GABRB1: variants seen among roughly 807,000 people sequenced by gnomAD.
The protein encoded by GABRB1 is gamma-aminobutyric acid receptor subunit beta-1.
GABRB1 carries 17 observed loss-of-function variants against 51.6 expected under a neutral mutation model. The ratio of observed to expected loss-of-function variants is 0.33; its 90% CI spans 0.23 to 0.49. The LOEUF (loss-of-function observed/expected upper bound fraction) is 0.49, where lower values mean the gene tolerates loss of function less well. Ranked by LOEUF, GABRB1 falls within the 20% of genes least tolerant of loss-of-function variation. The probability of loss-of-function intolerance (pLI) is 0.99; values close to 1 mark genes in which losing one functional copy is unlikely to be tolerated. For missense variants in GABRB1, 410 were observed against 600.6 expected, an observed-to-expected ratio of 0.68 and a Z score of 3.32; for synonymous variants, 247 against 218.9, an observed-to-expected ratio of 1.13 and a Z score of -1.14.
chr4:47,226,228 A>G (rs1022776587), intron 4 of GABRB1, among the ~76,000 whole-genome samples: 1 of 152,308 alleles, frequency 6.6e-6, no homozygotes, highest in African/African-American at 2.4e-5. Context: ...CACTGTGGAG[A>G]CAAATTAATT....
Position 47,393,333 on chromosome 4 carries a change from G to T in GABRB1, c.545-9985G>T, listed in dbSNP as rs528362296. Among the ~76,000 whole-genome samples the T allele has an allele frequency of 1.2e-4, 18 of 152,284 alleles. 1 individual carries two copies. In the South Asian group the frequency reaches 3.7e-3, roughly 32 times the overall value. ...GACCTCAAGAAGCTCAGAGCCTAGT[G>T]GGGGAAAGACAGATAAGCCAGGTAA... On this transcript the variant is annotated intron_variant, in intron 5 of 8. Coordinates refer to ENST00000295454, the MANE Select transcript of GABRB1 (RefSeq NM_000812.4).
chr4:47,353,335 A>G (rs1262785138), intron 5 of GABRB1, among the ~76,000 whole-genome samples: 1 of 152,246 alleles, frequency 6.6e-6, no homozygotes, highest in Non-Finnish European at 1.5e-5. Context: ...AGTGAAGTCA[A>G]GATACATTTT....
intron 5 of GABRB1, among the ~76,000 whole-genome samples, chr4:47,346,057 A>AAAAG (rs55776053): frequency 1.3e-5 from 2 of 151,896 alleles, no homozygotes; most frequent in South Asian, 2.1e-4. Context: ...CAAAAAAAAA[A>AAAAG]GGCCTGCAGA....
chr4:47,225,775 T>A (rs1415372802), intron 4 of GABRB1, among the ~76,000 whole-genome samples: 1 of 152,198 alleles, frequency 6.6e-6, no homozygotes, highest in Non-Finnish European at 1.5e-5. Context: ...TTAATCACCA[T>A]GAAATATTTC....
At chr4:47,238,437 C>T (rs1033649080) in intron 4 of GABRB1, among the ~76,000 whole-genome samples, 1 of 152,046 alleles carries the variant, frequency 6.6e-6, no homozygotes, top group Non-Finnish European at 1.5e-5. Flanking sequence ...AATCATTATA[C>T]TTTGGTATTT....
intron 4 of GABRB1, among the ~76,000 whole-genome samples, chr4:47,243,790 C>T (rs566648226): frequency 1.3e-5 from 2 of 152,264 alleles, no homozygotes; most frequent in African/African-American, 4.8e-5. Context: ...TGGGCTGAGA[C>T]AATGGGGTTT....
At chr4:47,046,341 A>G (rs73145085) in intron 3 of GABRB1, among the ~76,000 whole-genome samples, 16,976 of 152,188 alleles carry the variant, frequency 0.11, 1,036 homozygotes, top group South Asian at 0.2. Context: ...AAGTTTGTAG[A>G]TAATCAAACA....
At chr4:47,102,910 G>T (rs1277337991) in intron 3 of GABRB1, among the ~76,000 whole-genome samples, 1 of 152,006 alleles carries the variant, frequency 6.6e-6, no homozygotes, top group Non-Finnish European at 1.5e-5. Context: ...ATGGTGGAGA[G>T]ATCCAAAAAT....
intron 3 of GABRB1, among the ~76,000 whole-genome samples, chr4:47,064,084 G>A (rs1726955342): frequency 7.9e-5 from 12 of 152,082 alleles, no homozygotes; most frequent in Admixed American, 7.9e-4. Context: ...AATAATACAT[G>A]AGCATGTGAA....
In GABRB1 at chr4:47,001,513, G is replaced by A. The variant is rs1285271263; in HGVS notation, c.-20+7587G>A. On this transcript the variant is annotated intron_variant, in intron 1 of 3. Coordinates refer to the GABRB1 transcript ENST00000513567. Reference sequence around the variant, plus strand: ...AAAGATTTTAATCAATAGACTTTGAGTAAAACAGATTACCCTCCATAATTT... The same window carrying A: ...AAAGATTTTAATCAATAGACTTTGAATAAAACAGATTACCCTCCATAATTT... Among the ~76,000 whole-genome samples, 3 of 152,160 alleles carry A rather than the reference G, an allele frequency of 2.0e-5. No homozygotes were observed. In the East Asian group the frequency reaches 5.8e-4, roughly 29 times the overall value.
At chr4:47,409,273 G>C (rs568882202) in intron 8 of GABRB1, among the ~76,000 whole-genome samples, 1 of 152,268 alleles carries the variant, frequency 6.6e-6, no homozygotes, top group South Asian at 2.1e-4. Context: ...TGGTACCCAG[G>C]TTCTTGTCTG....
chr4:47,213,524 C>G (rs1215614263), intron 4 of GABRB1, among the ~76,000 whole-genome samples: 1 of 151,920 alleles, frequency 6.6e-6, no homozygotes, highest in African/African-American at 2.4e-5. Context: ...GTTTCCCTCT[C>G]ATTTTTTTCT....
intron 3 of GABRB1, among the ~76,000 whole-genome samples, chr4:47,084,212 CTCCATT>C (rs1448545211): frequency 6.6e-6 from 1 of 152,124 alleles, no homozygotes; most frequent in Non-Finnish European, 1.5e-5. Context: ...TGAAATGTCA[CTCCATT>C]TCTATTTCAG....
At chr4:47,342,861 G>T (rs1725953808) in intron 5 of GABRB1, among the ~76,000 whole-genome samples, 1 of 152,054 alleles carries the variant, frequency 6.6e-6, no homozygotes. Context: ...AGGGTATGTA[G>T]AGAAATGGAT....
intron 4 of GABRB1, among the ~76,000 whole-genome samples, chr4:47,225,488 A>G (rs1215763072): frequency 1.3e-5 from 2 of 152,006 alleles, no homozygotes; most frequent in Non-Finnish European, 2.9e-5. Flanking sequence ...GTTTTCTCCT[A>G]TTTTTCTTGG....
chr4:47,062,784 C>T (rs898227795), intron 3 of GABRB1, among the ~76,000 whole-genome samples: 3 of 152,072 alleles, frequency 2.0e-5, no homozygotes, highest in Non-Finnish European at 4.4e-5. Context: ...TGCTGGTTAC[C>T]TTATCAAGTC....
intron 1 of GABRB1, among the ~76,000 whole-genome samples, chr4:47,010,055 T>C (rs2109439140): frequency 1.3e-5 from 2 of 152,350 alleles, no homozygotes; most frequent in Middle Eastern, 3.4e-3. Context: ...ACCAGGCTTC[T>C]GCTCACCTCT....
intron 5 of GABRB1, among the ~76,000 whole-genome samples, chr4:47,357,510 C>T (rs962800980): frequency 6.6e-6 from 1 of 152,176 alleles, no homozygotes; most frequent in Non-Finnish European, 1.5e-5. Context: ...TCCAGCACCC[C>T]TTGCAGCTGA....
At chr4:47,341,219 G>A (rs886502545) in intron 5 of GABRB1, among the ~76,000 whole-genome samples, 6 of 152,072 alleles carry the variant, frequency 3.9e-5, no homozygotes, top group African/African-American at 1.4e-4. Context: ...GATTACTTCA[G>A]CCATTTTAAT....
Sources: allele counts gnomAD v4.1 joint callset (sites outside exome capture counted in the v4.1 genomes callset), GRCh38; gene constraint gnomAD v4.1.1; transcripts MANE v1.5; gene names NCBI Gene and HGNC (gene_info 2026-07-23, HGNC 2026-07-21).